The following IQCH variants were observed in gnomAD, a reference collection of about 807,000 sequenced individuals.
IQCH encodes IQ motif containing H, also known as IQ domain-containing protein H.
A neutral mutation model predicts 117.0 loss-of-function variants in IQCH; 98 were observed. The ratio of observed to expected loss-of-function variants is 0.84; its 90% CI spans 0.71 to 0.99. The LOEUF (loss-of-function observed/expected upper bound fraction) is 0.99. IQCH is among the 50% of genes least tolerant of loss of function. IQCH has a pLI of 0.00. For missense variants in IQCH, 1,102 were observed against 1,243.8 expected, an observed-to-expected ratio of 0.89 and a Z score of 1.72; for synonymous variants, 412 against 448.2, an observed-to-expected ratio of 0.92 and a Z score of 1.02.
chr15:67,483,338 G>A (rs953568089), intron 18 of IQCH, among the ~76,000 whole-genome samples: 9 of 152,136 alleles, frequency 5.9e-5, no homozygotes, highest in Admixed American at 3.3e-4. Flanking sequence ...CCAACATAGC[G>A]AAACCCCATC....
At chr15:67,300,424 C>T (rs932986700) in intron 4 of IQCH, among the ~76,000 whole-genome samples, 3 of 152,140 alleles carry the variant, frequency 2.0e-5, no homozygotes, top group Admixed American at 2.0e-4. Context: ...CTAGATCATA[C>T]AGCTCAAATC....
At chr15:67,324,314 A>G (rs1968296394) in intron 4 of IQCH, among the ~76,000 whole-genome samples, 1 of 151,834 alleles carries the variant, frequency 6.6e-6, no homozygotes, top group Admixed American at 6.6e-5. Context: ...AAAAAAAAAA[A>G]AAAAGTCTTT....
At chr15:67,314,032 T>C (rs914429762) in intron 4 of IQCH, among the ~76,000 whole-genome samples, 3 of 152,148 alleles carry the variant, frequency 2.0e-5, no homozygotes, top group African/African-American at 7.2e-5. Flanking sequence ...CCCTTTCATA[T>C]AAATGGCCAC....
At chr15:67,449,005 G>C (rs2140985244) in intron 16 of IQCH, among the ~76,000 whole-genome samples, 1 of 152,116 alleles carries the variant, frequency 6.6e-6, no homozygotes, top group Middle Eastern at 3.4e-3. Context: ...TGTGTGTTTT[G>C]GCTGCATAAA....
intron 16 of IQCH, among the ~76,000 whole-genome samples, chr15:67,428,323 A>G (rs1463968815): frequency 6.6e-6 from 1 of 152,208 alleles, no homozygotes; most frequent in Non-Finnish European, 1.5e-5. Context: ...TGCAGAGTTA[A>G]AAGAACCTAA....
rs1309880693 is a variant in IQCH at position 67,491,181 on chromosome 15, G to A, written c.2861+1117G>A. Among the ~76,000 whole-genome samples, 2 of 151,956 alleles carry A rather than the reference G, an allele frequency of 1.3e-5. No homozygotes were observed. Among genetic ancestry groups the A allele is most frequent in the Non-Finnish European group, 2.9e-5 (2 of 67,992 alleles). ...TACGAAGCACTGATGTTCCTATGTG[G>A]CCTCAGTCCCTCCCTCCCCAACCTC... On this transcript the variant is annotated intron_variant, in intron 19 of 20. Coordinates refer to ENST00000335894, the MANE Select transcript of IQCH (RefSeq NM_001031715.3). The surrounding 1 kb of genome is among the most constrained non-coding windows in gnomAD (Gnocchi z 4.9).
In IQCH at chr15:67,390,894, A is replaced by ACTAGT. The variant is rs1971264475; in HGVS notation, c.1632+1888_1632+1889insCTAGT. ...AAACCAAGACTCATTTTCTAGTCCA[A>ACTAGT]GGTTACTAGTAAGGCCAGAGTGTGA... On this transcript the variant is annotated intron_variant, in intron 12 of 20. Transcript: ENST00000335894. The surrounding 1 kb of genome is among the most constrained non-coding windows in gnomAD (Gnocchi z 5.0). Among the ~76,000 whole-genome samples, 1 of 152,220 alleles carries ACTAGT rather than the reference A, an allele frequency of 6.6e-6. No homozygotes were observed. The highest frequency in any genetic ancestry group is 1.5e-5 in the Non-Finnish European group (1 of 68,038).
intron 4 of IQCH, among the ~76,000 whole-genome samples, chr15:67,282,783 C>T (rs1456492315): frequency 6.6e-6 from 1 of 152,148 alleles, no homozygotes; most frequent in Non-Finnish European, 1.5e-5. Flanking sequence ...CTTCTTTAAG[C>T]TCTCTCTCAC....
At position 67,494,401 on chromosome 15, in the gene IQCH, T is replaced by C. The variant is rs750747977; in HGVS notation, c.2970+35T>C. ...TAATTAACTAACGATTCTGGTTAAT[T>C]TCTATACAAGGGCTGAAAATACCTC... is the stretch of plus-strand genomic sequence containing the variant. On this transcript the variant is annotated intron_variant, in intron 20 of 20. Transcript: ENST00000335894. This position sits in a 1 kb window ranked among gnomAD's most constrained non-coding sequence, Gnocchi z 5.5. 2.1e-6 allele frequency: 3 copies of C among 1,447,414 alleles called. No homozygotes were observed. Among genetic ancestry groups the C allele is most frequent in the Non-Finnish European group, 2.9e-6 (3 of 1,036,978 alleles). 89.7% of individuals were successfully genotyped at this position (1,447,414 alleles called of 1,614,324 possible).
At chr15:67,263,280 A>T in intron 3 of IQCH, 64 bp downstream of exon 3, 1 of 819,362 alleles carries the variant, frequency 1.2e-6, no homozygotes, top group South Asian at 1.5e-5. Context: ...TTCTCACTCA[A>T]GTGAGATGAC....
intron 1 of IQCH, among the ~76,000 whole-genome samples, chr15:67,259,266 T>TC (rs1485452856): frequency 6.6e-6 from 1 of 152,194 alleles, no homozygotes; most frequent in Non-Finnish European, 1.5e-5. Context: ...TACATAACTT[T>TC]CCCAAGTTCA....
chr15:67,290,837 A>G (rs1966725363), intron 4 of IQCH, among the ~76,000 whole-genome samples: 2 of 152,178 alleles, frequency 1.3e-5, no homozygotes, highest in Admixed American at 6.5e-5. Flanking sequence ...ATAATACAGC[A>G]TGATCCCTTT....
chr15:67,449,931 G>A (rs2082479348), intron 16 of IQCH, among the ~76,000 whole-genome samples: 2 of 152,080 alleles, frequency 1.3e-5, no homozygotes, highest in Admixed American at 6.5e-5. Context: ...TCCTTGAAGA[G>A]GTCCTTCACA....
chr15:67,485,946 T>C (rs1464970119), intron 18 of IQCH, among the ~76,000 whole-genome samples: 1 of 143,772 alleles, frequency 7.0e-6, no homozygotes, highest in Non-Finnish European at 1.5e-5. Flanking sequence ...CATGAGCCAC[T>C]GCGCCCGACC....
intron 18 of IQCH, among the ~76,000 whole-genome samples, chr15:67,478,424 T>A (rs2083259443): frequency 6.6e-6 from 1 of 151,612 alleles, no homozygotes; most frequent in Non-Finnish European, 1.5e-5. Context: ...CGAAGACACT[T>A]CCAGCAGAGT....
chr15:67,376,378 C>A lies in IQCH; in HGVS notation c.1372+2945C>A, dbSNP rs1466076402. ...CTAAATGTACTGGAAGAAAACTAAT[C>A]TATTCAATCTAGTAATTTCATTTCC... On this transcript the variant is annotated intron_variant, in intron 10 of 20. Coordinates refer to ENST00000335894, the MANE Select transcript of IQCH (RefSeq NM_001031715.3). This position sits in a 1 kb window ranked among gnomAD's most constrained non-coding sequence, Gnocchi z 5.0. 3.3e-5 allele frequency among the ~76,000 whole-genome samples: 5 copies of A among 152,200 alleles called. No homozygotes were observed. The highest frequency in any genetic ancestry group is 7.3e-5 in the Non-Finnish European group (5 of 68,032).
At position 67,493,092 on chromosome 15, in the gene IQCH, A is replaced by T. The variant is rs531047891; in HGVS notation, c.2862-1166A>T. ...TCTAGATGGTTATTGCTATTCACAC[A>T]TCCTTCAGGGAGGGCACAGTTGACA... On this transcript the variant is annotated intron_variant, in intron 19 of 20. Coordinates refer to ENST00000335894, the MANE Select transcript of IQCH (RefSeq NM_001031715.3). The surrounding 1 kb of genome is among the most constrained non-coding windows in gnomAD (Gnocchi z 5.1). Among the ~76,000 whole-genome samples, 4 of 152,286 alleles carry T rather than the reference A, an allele frequency of 2.6e-5. No homozygotes were observed. In the East Asian group the frequency reaches 7.7e-4, roughly 29 times the overall value.
chr15:67,275,784 G>A (rs1966097070), intron 3 of IQCH, among the ~76,000 whole-genome samples: 1 of 152,146 alleles, frequency 6.6e-6, no homozygotes, highest in Admixed American at 6.5e-5. Context: ...GGAGGCTGAG[G>A]CAGGAGAATC....
chr15:67,408,621 A>G lies in IQCH; in HGVS notation c.2098-8310A>G, dbSNP rs575583321. The G allele has an allele frequency of 6.6e-6, 1 of 152,322 alleles. No homozygotes were observed. Among genetic ancestry groups the G allele is most frequent in the South Asian group, 2.1e-4 (1 of 4,824 alleles). 9.4% of individuals were successfully genotyped at this position (152,322 alleles called of 1,614,324 possible). A position where few individuals can be genotyped will look rare whatever the true frequency, so the allele number is the denominator to read the frequency against. ...TTGCCCATTCCTTTTGCATAAAATT[A>G]AAATATAAATTCTCCTGATAGTCTC... On this transcript the variant is annotated intron_variant, in intron 14 of 20. Coordinates refer to ENST00000335894, the MANE Select transcript of IQCH (RefSeq NM_001031715.3). The surrounding 1 kb of genome is among the most constrained non-coding windows in gnomAD (Gnocchi z 4.2).
Sources: gnomAD v4.1 joint callset for allele counts (sites outside exome capture counted in the v4.1 genomes callset) on GRCh38, gnomAD v4.1.1 for gene constraint, Gnocchi (gnomAD v3.1) non-coding constraint, MANE v1.5 for transcripts, NCBI Gene and HGNC (gene_info 2026-07-23, HGNC 2026-07-21) for gene names.